The following UMAD1 variants were observed in gnomAD, a reference collection of about 807,000 sequenced individuals.
The protein encoded by UMAD1 is UBAP1-MVB12-associated (UMA)-domain containing protein 1.
Under a neutral mutation model 6.1 loss-of-function variants are expected in UMAD1, and 8 were observed. That is an observed-to-expected ratio of 1.30 (90% CI 0.76 to 2.35). UMAD1 has a LOEUF of 2.35. Ranked by LOEUF, UMAD1 falls within the 30% of genes most tolerant of loss-of-function variation. The pLI, the probability that UMAD1 is intolerant of heterozygous loss-of-function variation, is 0.00. For missense variants in UMAD1, 130 were observed against 78.4 expected (o/e 1.66, Z -2.49); for synonymous variants, 56 against 31.4 (o/e 1.78, Z -2.61).
chr7:7,712,616 A>G (rs1780793979), intron 2 of UMAD1, among the ~76,000 whole-genome samples: 1 of 152,180 alleles, frequency 6.6e-6, no homozygotes, highest in African/African-American at 2.4e-5. Flanking sequence ...CGTAATTATA[A>G]CCTCTGTGAA....
intron 2 of UMAD1, among the ~76,000 whole-genome samples, chr7:7,706,519 A>G (rs560840579): frequency 6.6e-6 from 1 of 152,340 alleles, no homozygotes; most frequent in African/African-American, 2.4e-5. Context: ...CCTCATTTAA[A>G]TTGTGCCTGA....
intron 2 of UMAD1, among the ~76,000 whole-genome samples, chr7:7,711,540 A>G (rs1780764107): frequency 6.6e-6 from 1 of 152,158 alleles, no homozygotes; most frequent in South Asian, 2.1e-4. Flanking sequence ...TTAAATTTTT[A>G]TCAGTCTGTT....
At chr7:7,751,301 G>C (rs1357137510) in intron 2 of UMAD1, among the ~76,000 whole-genome samples, 1 of 152,084 alleles carries the variant, frequency 6.6e-6, no homozygotes, top group Non-Finnish European at 1.5e-5. Flanking sequence ...TTTTAGAGTT[G>C]GTATGTTAAA....
At chr7:7,794,601 A>T (rs1782636525) in intron 2 of UMAD1, among the ~76,000 whole-genome samples, 1 of 152,210 alleles carries the variant, frequency 6.6e-6, no homozygotes. Context: ...AAGAGAGATT[A>T]TAAGACTGAC....
chr7:7,755,587 C>T (rs1781761313), intron 2 of UMAD1, among the ~76,000 whole-genome samples: 1 of 152,126 alleles, frequency 6.6e-6, no homozygotes, highest in Non-Finnish European at 1.5e-5. Context: ...CACTACAGTC[C>T]AGCCTATGCC....
chr7:7,834,735 A>G (rs894697579), intron 3 of UMAD1, among the ~76,000 whole-genome samples: 2 of 152,128 alleles, frequency 1.3e-5, no homozygotes, highest in South Asian at 2.1e-4. Flanking sequence ...TGATCTTCAA[A>G]TACCATCACA....
At chr7:7,798,417 C>T (rs1782729947) in intron 2 of UMAD1, among the ~76,000 whole-genome samples, 1 of 152,102 alleles carries the variant, frequency 6.6e-6, no homozygotes. Context: ...TTGTTTCCAG[C>T]CTTAAAAACT....
chr7:7,681,339 A>G (rs751995134), intron 2 of UMAD1, among the ~76,000 whole-genome samples: 1 of 152,182 alleles, frequency 6.6e-6, no homozygotes, highest in Non-Finnish European at 1.5e-5. Flanking sequence ...GATGGAATCA[A>G]CACATCATGA....
At chr7:7,788,717 G>C (rs79778562) in intron 2 of UMAD1, among the ~76,000 whole-genome samples, 6,534 of 151,124 alleles carry the variant, frequency 0.043, 210 homozygotes, top group Middle Eastern at 0.071. Context: ...TGGGGAGTTG[G>C]TGGGGGTGGG....
chr7:7,826,360 C>G (rs186926828), intron 3 of UMAD1, among the ~76,000 whole-genome samples: 1 of 152,016 alleles, frequency 6.6e-6, no homozygotes, highest in African/African-American at 2.4e-5. Context: ...ATCATTATTT[C>G]GATTCTCTAG....
chr7:7,832,896 G>C lies in UMAD1; in HGVS notation c.156+31153G>C, dbSNP rs1583858985. Among the ~76,000 whole-genome samples the C allele has an allele frequency of 2.0e-5, 3 of 152,268 alleles. No homozygotes were observed. The South Asian group carries it at 6.2e-4, about 32-fold the overall frequency. On this transcript the variant is annotated intron_variant, in intron 3 of 3. Coordinates refer to ENST00000682710, the MANE Select transcript of UMAD1 (RefSeq NM_001302348.2). ...CTTCTTCGTAGTTGCATTTGAGATA[G>C]GACCTAATGGGTCGGTCAGCTTTTC...
intron 2 of UMAD1, among the ~76,000 whole-genome samples, chr7:7,739,927 A>G (rs1781429913): frequency 6.6e-6 from 1 of 152,366 alleles, no homozygotes; most frequent in African/African-American, 2.4e-5. Context: ...CTGAAGAGAA[A>G]TCTGAGTCAG....
At chr7:7,854,139 T>G (rs1043762488) in intron 3 of UMAD1, among the ~76,000 whole-genome samples, 2 of 151,952 alleles carry the variant, frequency 1.3e-5, no homozygotes, top group Non-Finnish European at 2.9e-5. Context: ...GCAGATCCCC[T>G]GAGGCTGGAA....
At chr7:7,683,804 A>T (rs1779971910) in intron 2 of UMAD1, among the ~76,000 whole-genome samples, 1 of 151,958 alleles carries the variant, frequency 6.6e-6, no homozygotes, top group Non-Finnish European at 1.5e-5. Flanking sequence ...TGTATTTTGG[A>T]TAGAGACAGG....
chr7:7,659,364 T>A (rs1044544671), intron 1 of UMAD1, among the ~76,000 whole-genome samples: 1 of 152,190 alleles, frequency 6.6e-6, no homozygotes, highest in South Asian at 2.1e-4. Context: ...ATTTGTTTGC[T>A]CTTGCTTCTC....
At chr7:7,695,500 T>C (rs1780290552) in intron 2 of UMAD1, among the ~76,000 whole-genome samples, 1 of 152,216 alleles carries the variant, frequency 6.6e-6, no homozygotes, top group African/African-American at 2.4e-5. Context: ...CCATGGTCTT[T>C]CCTTGTTACT....
At chr7:7,660,295 A>G (rs1785442083) in intron 1 of UMAD1, among the ~76,000 whole-genome samples, 1 of 152,180 alleles carries the variant, frequency 6.6e-6, no homozygotes. Context: ...CATTTAGCCC[A>G]TTTACATTTC....
chr7:7,683,346 G>T (rs1294591980), intron 2 of UMAD1, among the ~76,000 whole-genome samples: 2 of 152,120 alleles, frequency 1.3e-5, no homozygotes. Flanking sequence ...TTTCCCCCCA[G>T]AGTTCTCCAG....
intron 1 of UMAD1, among the ~76,000 whole-genome samples, chr7:7,650,794 G>C (rs1156521930): frequency 6.6e-6 from 1 of 152,062 alleles, no homozygotes; most frequent in Non-Finnish European, 1.5e-5. Flanking sequence ...GATTTCCTCC[G>C]GCATCACTGT....
Sources: gnomAD v4.1 joint callset for allele counts (sites outside exome capture counted in the v4.1 genomes callset) on GRCh38, gnomAD v4.1.1 for gene constraint, MANE v1.5 for transcripts, NCBI Gene and HGNC (gene_info 2026-07-23, HGNC 2026-07-21) for gene names.